MALAT1: variants seen among roughly 807,000 people sequenced by gnomAD.
MALAT1 encodes hepcarcin.
At chr11:65,505,699 ATG>A (rs774181008) in intron 3 of MALAT1, 4 of 518,904 alleles carry the variant, frequency 7.7e-6, no homozygotes, top group Non-Finnish European at 1.5e-5. Context: ...GGGTTGAACT[ATG>A]TTAGAAAAGG....
chr11:65,499,475 A>C (rs761246177), exon 3 of MALAT1: 1 of 465,366 alleles, frequency 2.1e-6, no homozygotes, highest in Non-Finnish European at 4.3e-6. Flanking sequence ...GATTAAAATA[A>C]TTTGAAGGCG....
In MALAT1 at chr11:65,504,869, G is replaced by T. The variant is rs1018386390; in HGVS notation, n.5168+964G>T. 4 of 518,774 alleles carry T rather than the reference G, an allele frequency of 7.7e-6. No homozygotes were observed. The Admixed American group carries it at 7.8e-5, about 10-fold the overall frequency. The allele number at this position is 518,774 out of a possible 1,614,324, so 32.1% of individuals were successfully genotyped here. A position where few individuals can be genotyped will look rare whatever the true frequency, so the allele number is the denominator to read the frequency against. ...CGAAGGGCCAGAGAAGCCAGACCCAGTAAGAAAAAATAGCCTATTTACTTT... is the reference window on the plus strand; with the variant it reads ...CGAAGGGCCAGAGAAGCCAGACCCATTAAGAAAAAATAGCCTATTTACTTT... On this transcript the variant is annotated intron_variant and non_coding_transcript_variant, in intron 3 of 3. Transcript: ENST00000619449.
chr11:65,500,999 A>G (rs778093960), exon 3 of MALAT1: 2 of 509,334 alleles, frequency 3.9e-6, no homozygotes, highest in South Asian at 2.9e-5. Context: ...GTAGATGGCA[A>G]GTTTGTGGGT....
exon 3 of MALAT1, chr11:65,501,099 T>C (rs771545351): frequency 1.6e-5 from 8 of 515,358 alleles, no homozygotes; most frequent in East Asian, 5.5e-5. Context: ...AGTTTGTATG[T>C]TTAGTTGGGG....
intron 3 of MALAT1, chr11:65,505,502 A>G (rs766599414): frequency 1.4e-5 from 7 of 515,692 alleles, no homozygotes; most frequent in Middle Eastern, 3.2e-4. Flanking sequence ...ACTTTTCCCT[A>G]GCTTTTCCAG....
exon 3 of MALAT1, chr11:65,503,104 T>C (rs768668375): frequency 3.9e-6 from 2 of 509,062 alleles, no homozygotes; most frequent in African/African-American, 1.9e-5. Flanking sequence ...TGCCAATGTT[T>C]CGTTTGCCTC....
exon 3 of MALAT1, chr11:65,501,885 G>T (rs999722398): frequency 3.9e-6 from 2 of 517,142 alleles, no homozygotes; most frequent in Non-Finnish European, 7.7e-6. Context: ...GGCCTGTTAC[G>T]GTTGGGATTG....
At chr11:65,503,474 T>C (rs1392878304) in exon 3 of MALAT1, 1 of 517,468 alleles carries the variant, frequency 1.9e-6, no homozygotes, top group African/African-American at 1.9e-5. Context: ...CTAAGGAAAT[T>C]TGTTTAGCAT....
exon 3 of MALAT1, chr11:65,502,450 A>C (rs535944691): frequency 4.0e-6 from 2 of 500,330 alleles, no homozygotes; most frequent in African/African-American, 2.0e-5. Flanking sequence ...TAGGAGAAAT[A>C]CTTTTCCATT....
chr11:65,504,534 T>C (rs1166379062), intron 3 of MALAT1: 1 of 518,990 alleles, frequency 1.9e-6, no homozygotes. Flanking sequence ...AGGAAATTTC[T>C]GCAGTTTTAA....
chr11:65,506,127 G>A, intron 3 of MALAT1: 1 of 400,756 alleles, frequency 2.5e-6, no homozygotes, highest in Non-Finnish European at 4.8e-6. Flanking sequence ...GATGCTGGTG[G>A]TTGGCACTCC....
intron 3 of MALAT1, chr11:65,505,423 G>A (rs750476123): frequency 2.5e-5 from 13 of 513,848 alleles, no homozygotes; most frequent in Admixed American, 4.0e-5. Flanking sequence ...TTTTATAGCA[G>A]CTCTTAATAA....
At chr11:65,499,565 G>C (rs1270354815) in exon 3 of MALAT1, 1 of 455,942 alleles carries the variant, frequency 2.2e-6, no homozygotes, top group Non-Finnish European at 4.4e-6. Context: ...GTCATTTAAA[G>C]CCTAGTTAAC....
chr11:65,505,987 G>A, intron 3 of MALAT1: 1 of 458,438 alleles, frequency 2.2e-6, no homozygotes, highest in Non-Finnish European at 4.2e-6. Context: ...TAGCATCTTA[G>A]CGGAAGCTGA....
At chr11:65,505,413 T>G (rs751941805) in intron 3 of MALAT1, 3 of 514,916 alleles carry the variant, frequency 5.8e-6, no homozygotes, top group South Asian at 4.2e-5. Flanking sequence ...AGCAAGCTGT[T>G]TTTATAGCAG....
In MALAT1 at chr11:65,501,819, ACTT is replaced by A. The variant is rs757619804; in HGVS notation, n.3086_3088del. ...TGAAGTTAAGTTTTCCAATAATGTG[ACTT>A]CTTAAAAGTTTTATTAAAGGGGAGG... On this transcript the variant is annotated non_coding_transcript_exon_variant, in exon 3 of 4. Coordinates refer to ENST00000619449, the Ensembl canonical transcript of MALAT1. 27 of 517,994 alleles carry A rather than the reference ACTT, an allele frequency of 5.2e-5. 1 individual carries two copies. Among genetic ancestry groups the A allele is most frequent in the African/African-American group, 3.5e-4 (18 of 52,044 alleles). 32.1% of individuals were successfully genotyped at this position (517,994 alleles called of 1,614,324 possible).
At chr11:65,505,361 G>GCC (rs755552373) in intron 3 of MALAT1, 1 of 518,024 alleles carries the variant, frequency 1.9e-6, no homozygotes, top group Non-Finnish European at 3.9e-6. Context: ...TGAAGCATCC[G>GCC]AAGGAATGCT....
At chr11:65,501,458 C>T (rs780846255) in exon 3 of MALAT1, 8 of 512,312 alleles carry the variant, frequency 1.6e-5, no homozygotes, top group Non-Finnish European at 3.1e-5. Flanking sequence ...TTTTTTCCCC[C>T]CACCCCCTTA....
At chr11:65,505,980 C>T (rs751719319) in intron 3 of MALAT1, 3 of 454,294 alleles carry the variant, frequency 6.6e-6, no homozygotes, top group Non-Finnish European at 1.3e-5. Flanking sequence ...GCCAAGCTAG[C>T]ATCTTAGCGG....
Sources: gnomAD v4.1 joint callset for allele counts on GRCh38, gnomAD v4.1.1 for gene constraint, MANE v1.5 for transcripts, NCBI Gene and HGNC (gene_info 2026-07-23, HGNC 2026-07-21) for gene names.